INSL6: variants seen among roughly 807,000 people sequenced by gnomAD.
The protein encoded by INSL6 is insulin-like peptide INSL6.
A neutral mutation model predicts 9.4 loss-of-function variants in INSL6; 16 were observed. That is an observed-to-expected ratio of 1.70 (90% CI 1.15 to 2.59). The LOEUF is 2.59. Ranked by LOEUF, INSL6 falls within the 30% of genes most tolerant of loss-of-function variation. The probability of loss-of-function intolerance (pLI) is 0.00; values close to 1 mark genes in which losing one functional copy is unlikely to be tolerated. For synonymous variants in INSL6, 154 were observed against 96.9 expected (o/e 1.59, Z -3.46); for missense variants, 391 against 257.3 (o/e 1.52, Z -3.56).
At chr9:5,050,754 T>C in the INSL6 span, 1 of 1,613,652 alleles carries the variant, frequency 6.2e-7, no homozygotes, top group Non-Finnish European at 8.5e-7. Context: ...AAGAATGTCT[T>C]GGGATGGCAG....
chr9:5,114,621 C>A, the INSL6 span: 1 of 485,416 alleles, frequency 2.1e-6, no homozygotes, highest in Non-Finnish European at 4.1e-6. Context: ...GGTGCAGCTC[C>A]CGGACACTTG....
chr9:5,010,475 T>C, the INSL6 span, among the ~76,000 whole-genome samples: 13,481 of 151,986 alleles, frequency 0.089, 1,754 homozygotes, highest in African/African-American at 0.29. Context: ...CGTGTACCAC[T>C]ATGCCCGGCT....
chr9:5,150,949 G>A (rs1379339690), intron 2 of INSL6, among the ~76,000 whole-genome samples: 2 of 151,998 alleles, frequency 1.3e-5, no homozygotes, highest in Admixed American at 6.6e-5. Flanking sequence ...GGAACTGGAG[G>A]CTATTATCTT....
At chr9:5,077,516 A>G in the INSL6 span, 1 of 1,462,924 alleles carries the variant, frequency 6.8e-7, no homozygotes, top group Non-Finnish European at 9.1e-7. Context: ...AAGAATAAAA[A>G]TTGTATAAAT....
At chr9:5,093,437 G>A in the INSL6 span, among the ~76,000 whole-genome samples, 4 of 152,230 alleles carry the variant, frequency 2.6e-5, no homozygotes, top group East Asian at 7.7e-4. Flanking sequence ...TGAGGGTTCA[G>A]CTGTCATGAG....
the INSL6 span, chr9:5,112,098 G>T: frequency 2.8e-6 from 1 of 353,756 alleles, no homozygotes; most frequent in Non-Finnish European, 5.6e-6. Flanking sequence ...CCACCTACCT[G>T]AACGAGGGCA....
chr9:5,141,387 T>C (rs991353765), intron 2 of INSL6, among the ~76,000 whole-genome samples: 5 of 152,180 alleles, frequency 3.3e-5, no homozygotes, highest in East Asian at 3.8e-4. Context: ...TTTTTAATCA[T>C]AGCCACTCTT....
At chr9:5,078,361 GAGA>G in the INSL6 span, 3 of 1,612,736 alleles carry the variant, frequency 1.9e-6, no homozygotes, top group Non-Finnish European at 2.5e-6. Flanking sequence ...CTGCTTATCA[GAGA>G]AGAAGACAGG....
chr9:5,029,324 C>T, the INSL6 span, among the ~76,000 whole-genome samples: 6 of 152,132 alleles, frequency 3.9e-5, no homozygotes, highest in South Asian at 2.1e-4. Flanking sequence ...TATATGGGCA[C>T]GGTTCATAGC....
intron 3 of INSL6, chr9:5,127,160 A>C: frequency 4.1e-6 from 1 of 244,500 alleles, no homozygotes; most frequent in Non-Finnish European, 8.0e-6. Flanking sequence ...ATGTATGTAT[A>C]GTTTTTACCA....
chr9:5,004,129 C>G, the INSL6 span, among the ~76,000 whole-genome samples: 36 of 152,070 alleles, frequency 2.4e-4, no homozygotes, highest in Non-Finnish European at 4.3e-4. Flanking sequence ...ACATACTTAT[C>G]TTTTGTGGTG....
the INSL6 span, among the ~76,000 whole-genome samples, chr9:5,062,855 T>C: frequency 2.0e-5 from 3 of 152,156 alleles, no homozygotes; most frequent in African/African-American, 7.2e-5. Context: ...TAGGTCAGCT[T>C]TAATATTTAT....
the INSL6 span, among the ~76,000 whole-genome samples, chr9:5,066,279 T>G: frequency 6.6e-6 from 1 of 152,144 alleles, no homozygotes; most frequent in Non-Finnish European, 1.5e-5. Context: ...ATTCAGATTT[T>G]TATGTCAGTA....
chr9:5,067,957 T>C, the INSL6 span, among the ~76,000 whole-genome samples: 1 of 152,022 alleles, frequency 6.6e-6, no homozygotes, highest in Non-Finnish European at 1.5e-5. Flanking sequence ...ATTGAGACCA[T>C]CCTGGCCAAT....
the INSL6 span, among the ~76,000 whole-genome samples, chr9:5,103,221 CAAAAAAAAAAAAAA>C: frequency 0.02 from 140 of 6,858 alleles, no homozygotes; most frequent in African/African-American, 0.076. Flanking sequence ...AAAGGGAAAG[CAAAAAAAAAAAAAA>C]AAAAAAAAAA....
chr9:5,113,694 A>T, the INSL6 span: 1 of 165,696 alleles, frequency 6.0e-6, no homozygotes. Context: ...GGCTCCCTCA[A>T]CAGGAGCGCT....
chr9:5,085,742 G>A, the INSL6 span: 16 of 752,984 alleles, frequency 2.1e-5, no homozygotes, highest in Non-Finnish European at 2.7e-5. Context: ...AGGCTGTGGC[G>A]CGCTGGCTAG....
At chr9:5,169,447 T>C (rs1237664952) in intron 1 of INSL6, among the ~76,000 whole-genome samples, 3 of 152,140 alleles carry the variant, frequency 2.0e-5, no homozygotes, top group Non-Finnish European at 2.9e-5. Flanking sequence ...CCAGTGACAC[T>C]ATGAAGCAAC....
the INSL6 span, among the ~76,000 whole-genome samples, chr9:5,058,533 G>C: frequency 6.6e-6 from 1 of 152,158 alleles, no homozygotes; most frequent in Non-Finnish European, 1.5e-5. Context: ...AAAGATGAGA[G>C]TTGGGTGGGG....
Sources: gnomAD v4.1 joint callset for allele counts (sites outside exome capture counted in the v4.1 genomes callset) on GRCh38, gnomAD v4.1.1 for gene constraint, MANE v1.5 for transcripts, NCBI Gene and HGNC (gene_info 2026-07-23, HGNC 2026-07-21) for gene names.